The following NME7 variants were observed in gnomAD, a reference collection of about 807,000 sequenced individuals.
NME7 encodes nucleoside diphosphate kinase 7.
A neutral mutation model predicts 49.1 loss-of-function variants in NME7; 41 were observed. The observed-to-expected ratio is 0.83, with a 90% CI of 0.65 to 1.08. NME7 has a LOEUF of 1.08. Among genes scored for constraint, NME7 ranks in the 50% least tolerant of loss-of-function variants. The probability of loss-of-function intolerance (pLI) is 0.00; values close to 1 mark genes in which losing one functional copy is unlikely to be tolerated. For synonymous variants in NME7, 139 were observed against 150.6 expected, an observed-to-expected ratio of 0.92 and a Z score of 0.56; for missense variants, 423 against 463.4, an observed-to-expected ratio of 0.91 and a Z score of 0.80.
At chr1:169,167,912 G>A (rs902832008) in intron 11 of NME7, among the ~76,000 whole-genome samples, 1 of 152,202 alleles carries the variant, frequency 6.6e-6, no homozygotes, top group Non-Finnish European at 1.5e-5. Context: ...AGTCGGGTAT[G>A]AGCAGGGCAG....
intron 10 of NME7, 106 bp from the exon 11 acceptor site, chr1:169,169,660 T>G: frequency 1.0e-6 from 1 of 984,540 alleles, no homozygotes; most frequent in East Asian, 2.4e-5. Flanking sequence ...ACATGTTATA[T>G]ATAGACAGTG....
chr1:169,303,061 A>T (rs10919130), intron 5 of NME7, 84 bp downstream of exon 5: 321,416 of 845,008 alleles, frequency 0.38, 66,724 homozygotes, highest in Non-Finnish European at 0.44. Context: ...ATTATTCTCA[A>T]GTAATAAATT....
In NME7 at chr1:169,367,752, C is replaced by T. The variant is rs1204256718; in HGVS notation, c.-42G>A. 2 of 1,613,214 alleles carry T rather than the reference C, an allele frequency of 1.2e-6. No individual in the cohort carries two copies. The highest frequency in any genetic ancestry group is 1.7e-5 in the Admixed American group (1 of 60,000). On this transcript the variant is annotated 5_prime_UTR_variant, in exon 1 of 12. Transcript: ENST00000367811. ...CACTAGAAAATAGGTATCGTTGAGACAGGAAGACACCACCACCACCACCAT... is the reference window on the plus strand; with the variant it reads ...CACTAGAAAATAGGTATCGTTGAGATAGGAAGACACCACCACCACCACCAT...
intron 7 of NME7, chr1:169,283,693 C>T (rs1360020813): frequency 6.6e-6 from 1 of 152,128 alleles, no homozygotes; most frequent in Non-Finnish European, 1.5e-5. Context: ...TTTATTTCTC[C>T]TTCACTTATG....
chr1:169,355,365 TATACACAC>T (rs1442598940), intron 1 of NME7, among the ~76,000 whole-genome samples: 1 of 64,846 alleles, frequency 1.5e-5, no homozygotes, highest in African/African-American at 4.4e-5. Flanking sequence ...AAATATATAT[TATACACAC>T]ACACACACAC....
At chr1:169,220,041 G>A (rs1661094625) in intron 10 of NME7, among the ~76,000 whole-genome samples, 1 of 152,076 alleles carries the variant, frequency 6.6e-6, no homozygotes, top group Admixed American at 6.6e-5. Context: ...CACAAATCAT[G>A]AGTTTGAACA....
intron 11 of NME7, among the ~76,000 whole-genome samples, chr1:169,143,715 G>A (rs1037148717): frequency 2.0e-5 from 3 of 152,162 alleles, no homozygotes; most frequent in African/African-American, 4.8e-5. Flanking sequence ...TTACGGTTTA[G>A]TTTTGGCTAC....
intron 9 of NME7, among the ~76,000 whole-genome samples, chr1:169,232,912 CTTT>C (rs10545228): frequency 4.8e-4 from 36 of 74,530 alleles, no homozygotes; most frequent in Admixed American, 2.7e-3. Context: ...GTTTTCTTTT[CTTT>C]TTTTTTTTTT....
intron 10 of NME7, among the ~76,000 whole-genome samples, chr1:169,222,727 C>T (rs1358714768): frequency 6.6e-6 from 1 of 152,078 alleles, no homozygotes; most frequent in Non-Finnish European, 1.5e-5. Flanking sequence ...CAGACAATGA[C>T]ATTTTATTTA....
rs1557831625 is a variant in NME7 at position 169,342,839 on chromosome 1, T to TATATATATAGTATATATATATACAAGTAC, written c.4-18368_4-18340dup. On this transcript the variant is annotated intron_variant, in intron 1 of 11. Coordinates refer to ENST00000367811, the MANE Select transcript of NME7 (RefSeq NM_013330.5). Reference sequence around the variant, plus strand: ...TATAGTATATATATATACAAGTACATATATATATAGTATATATATATACAA... The same window carrying TATATATATAGTATATATATATACAAGTAC: ...TATAGTATATATATATACAAGTACATATATATATAGTATATATATATACAAGTACATATATATAGTATATATATATACAA... Among the ~76,000 whole-genome samples, 56 of 47,970 alleles carry TATATATATAGTATATATATATACAAGTAC rather than the reference T, an allele frequency of 1.2e-3. 3 individuals carry two copies. The highest frequency in any genetic ancestry group is 1.5e-3 in the Non-Finnish European group (37 of 25,370). 31.5% of individuals were successfully genotyped at this position (47,970 alleles called of 152,430 possible).
intron 10 of NME7, among the ~76,000 whole-genome samples, chr1:169,221,124 G>C (rs988781403): frequency 9.9e-5 from 15 of 151,874 alleles, no homozygotes; most frequent in Non-Finnish European, 1.5e-5. Context: ...ATCCACTTAA[G>C]ATAAAGAGAA....
At chr1:169,283,095 G>T (rs1650098886) in intron 7 of NME7, among the ~76,000 whole-genome samples, 1 of 152,010 alleles carries the variant, frequency 6.6e-6, no homozygotes, top group African/African-American at 2.4e-5. Flanking sequence ...CACTTTGTAG[G>T]CCTCTAAGCA....
intron 10 of NME7, among the ~76,000 whole-genome samples, chr1:169,182,994 T>A (rs1048881100): frequency 2.0e-5 from 3 of 152,204 alleles, no homozygotes; most frequent in Admixed American, 2.0e-4. Flanking sequence ...GTTTTGTGTA[T>A]CACATTTTCT....
At chr1:169,337,166 AC>A (rs896945526) in intron 1 of NME7, among the ~76,000 whole-genome samples, 1 of 152,156 alleles carries the variant, frequency 6.6e-6, no homozygotes, top group African/African-American at 2.4e-5. Flanking sequence ...ACAGGAACCC[AC>A]GGAGTGGGTG....
intron 6 of NME7, among the ~76,000 whole-genome samples, chr1:169,290,797 A>C (rs143254110): frequency 1.3e-5 from 2 of 152,198 alleles, no homozygotes; most frequent in Admixed American, 1.3e-4. Context: ...CAGAATCTAC[A>C]AGGAACTTAA....
chr1:169,303,862 A>G (rs896512295), intron 4 of NME7, among the ~76,000 whole-genome samples: 1 of 152,244 alleles, frequency 6.6e-6, no homozygotes, highest in South Asian at 2.1e-4. Context: ...AAAAAAATGC[A>G]AAGCCATCTT....
intron 11 of NME7, among the ~76,000 whole-genome samples, chr1:169,163,412 A>G (rs1659305380): frequency 6.6e-6 from 1 of 152,126 alleles, no homozygotes; most frequent in South Asian, 2.1e-4. Flanking sequence ...GGATAAATGG[A>G]TCAATTAAAT....
intron 10 of NME7, among the ~76,000 whole-genome samples, chr1:169,210,591 T>TACACACAC (rs112929835): frequency 2.0e-5 from 3 of 150,856 alleles, no homozygotes; most frequent in African/African-American, 4.9e-5. Context: ...AATATTTAAA[T>TACACACAC]ACACACACAC....
At chr1:169,345,631 G>A (rs1652926545) in intron 1 of NME7, among the ~76,000 whole-genome samples, 1 of 152,106 alleles carries the variant, frequency 6.6e-6, no homozygotes, top group Non-Finnish European at 1.5e-5. Context: ...TGATGTTAGA[G>A]TGTCAGCATA....
Sources: gnomAD v4.1 joint callset for allele counts (sites outside exome capture counted in the v4.1 genomes callset) on GRCh38, gnomAD v4.1.1 for gene constraint, MANE v1.5 for transcripts, NCBI Gene and HGNC (gene_info 2026-07-23, HGNC 2026-07-21) for gene names.